Variants in OSR1 observed in about 807,000 individuals in gnomAD.
OSR1 encodes the protein odd-skipped related transcription factor 1.
In OSR1, 3 loss-of-function variants were observed where a neutral mutation model predicts 15.7. The observed-to-expected ratio is 0.19, with a 90% CI of 0.09 to 0.50. The LOEUF is 0.50. Among genes scored for constraint, OSR1 ranks in the 20% least tolerant of loss-of-function variants. OSR1 has a pLI of 0.97. For missense variants in OSR1, 271 were observed against 351.1 expected (o/e 0.77, Z 1.82); for synonymous variants, 166 against 152.7 (o/e 1.09, Z -0.64).
downstream of OSR1, among the ~76,000 whole-genome samples, chr2:19,349,328 A>G (rs887137360): frequency 3.9e-5 from 6 of 152,164 alleles, no homozygotes; most frequent in African/African-American, 1.4e-4. Context: ...TGCACAGTCT[A>G]TGAATCACTA....
At chr2:19,350,218 TC>T (rs941203533), downstream of OSR1, among the ~76,000 whole-genome samples, 27 of 152,252 alleles carry the variant, frequency 1.8e-4, no homozygotes, top group Non-Finnish European at 2.4e-4. Flanking sequence ...CTTGGTGGTT[TC>T]GCGAGGTTGC....
At chr2:19,345,592 T>G in the OSR1 span, among the ~76,000 whole-genome samples, 1 of 152,218 alleles carries the variant, frequency 6.6e-6, no homozygotes, top group Admixed American at 6.5e-5. Context: ...ATTAAAAATA[T>G]GGATCTTATG....
At chr2:19,350,351 G>T (rs1472848003), downstream of OSR1, among the ~76,000 whole-genome samples, 1 of 152,184 alleles carries the variant, frequency 6.6e-6, no homozygotes, top group Non-Finnish European at 1.5e-5. Flanking sequence ...AGCCTCCAGT[G>T]CCCAGTTGGG....
intron 1 of OSR1, chr2:19,354,173 G>T (rs1664902123): frequency 4.7e-6 from 1 of 210,614 alleles, no homozygotes; most frequent in Admixed American, 5.1e-5. Context: ...TGTAGAAATT[G>T]ACATCCAGGT....
intron 2 of OSR1, among the ~76,000 whole-genome samples, chr2:19,352,718 G>C (rs1008631250): frequency 6.6e-6 from 1 of 152,242 alleles, no homozygotes; most frequent in African/African-American, 2.4e-5. Flanking sequence ...GCTGGGGTCG[G>C]ACAATTTGCT....
rs1664876045 is a variant in OSR1 at position 19,353,317 on chromosome 2, T to C, written c.489A>G (p.Thr163=). Residue 163 remains threonine, a synonymous_variant, in exon 2 of 3, where the codon ACA becomes ACG. Coordinates refer to ENST00000272223, the MANE Select transcript of OSR1 (RefSeq NM_145260.3). ...VTKLSPEKKP[T]RGRLPSKTKK... ...TGGTCTTGGAAGGCAGACGTCCCCT[T>C]GTGGGCTTCTTTTCTGGAGACAGCT... 3 of 1,614,222 alleles carry C rather than the reference T, an allele frequency of 1.9e-6. No individual in the cohort carries two copies. The East Asian group carries it at 6.7e-5, about 36-fold the overall frequency.
chr2:19,350,815 T>C (rs998402504), downstream of OSR1, among the ~76,000 whole-genome samples: 7 of 152,184 alleles, frequency 4.6e-5, no homozygotes, highest in East Asian at 1.9e-4. Flanking sequence ...GCCCCCACCA[T>C]TCCTGACAAG....
chr2:19,346,784 G>C (rs1194355411), downstream of OSR1: 1 of 152,212 alleles, frequency 6.6e-6, no homozygotes, highest in African/African-American at 2.4e-5. Context: ...TCAATCATAA[G>C]AAAACACAAA....
At chr2:19,345,930 T>G in the OSR1 span, among the ~76,000 whole-genome samples, 2 of 152,220 alleles carry the variant, frequency 1.3e-5, no homozygotes, top group African/African-American at 4.8e-5. Flanking sequence ...TGGAAGTTCA[T>G]TTTCCCCCTC....
intron 2 of OSR1, 50 bp downstream of exon 2, chr2:19,353,091 G>C: frequency 1.1e-5 from 18 of 1,588,782 alleles, no homozygotes; most frequent in Non-Finnish European, 1.5e-5. Context: ...GAGAAAGATG[G>C]TGAGGCCAGA....
At chr2:19,348,367 C>T (rs527395625), downstream of OSR1, 29 of 154,564 alleles carry the variant, frequency 1.9e-4, no homozygotes, top group East Asian at 2.9e-3. Flanking sequence ...AGGCGGGGCC[C>T]ATCTGTGACG....
downstream of OSR1, among the ~76,000 whole-genome samples, chr2:19,348,200 G>T (rs1664772384): frequency 1.3e-5 from 2 of 152,128 alleles, no homozygotes; most frequent in Admixed American, 1.3e-4. Context: ...GATTCAAGAA[G>T]AGGACGCTGC....
In OSR1 at chr2:19,353,326, C is replaced by CT. The variant is rs781307892; in HGVS notation, c.479dup (p.Lys161GlufsTer34). ...AAGGCAGACGTCCCCTTGTGGGCTT[C>CT]TTTTCTGGAGACAGCTTGGTCACGT... On this transcript the variant is annotated frameshift_variant, in exon 2 of 3. Transcript: ENST00000272223. LOFTEE classifies it high-confidence loss of function. 1 of 1,614,138 alleles carries CT rather than the reference C, an allele frequency of 6.2e-7. No individual in the cohort carries two copies. Among genetic ancestry groups the CT allele is most frequent in the Non-Finnish European group, 8.5e-7 (1 of 1,180,060 alleles).
At chr2:19,354,117 A>G (rs1441462971) in intron 1 of OSR1, 2 of 330,328 alleles carry the variant, frequency 6.1e-6, no homozygotes, top group East Asian at 5.0e-5. Flanking sequence ...GGCCTACTGT[A>G]TGCAAGACAC....
In OSR1 at chr2:19,357,152, C is replaced by T. The variant is rs781717577; in HGVS notation, c.-33+1189G>A. Among the ~76,000 whole-genome samples, 12 of 152,158 alleles carry T rather than the reference C, an allele frequency of 7.9e-5. No homozygotes were observed. On this transcript the variant is annotated intron_variant, in intron 1 of 2. Coordinates refer to ENST00000272223, the MANE Select transcript of OSR1 (RefSeq NM_145260.3). The surrounding 1 kb of genome is among the most constrained non-coding windows in gnomAD (Gnocchi z 5.0). ...TGCACTTAAATGTCCGCTGCGTCCT[C>T]GGTGATCCATTCCCCAATCTTAATA...
At chr2:19,353,946 G>C (rs372805387) in intron 1 of OSR1, 109 bp from the exon 2 acceptor site, 2 of 918,684 alleles carry the variant, frequency 2.2e-6, no homozygotes, top group Non-Finnish European at 3.2e-6. Context: ...CACACCCAGC[G>C]CAGGAGCTAA....
rs1665004545 is a variant in OSR1, at chr2:19,358,536, C to T, written c.-228G>A. 1 of 151,920 alleles carries T rather than the reference C, an allele frequency of 6.6e-6. No individual in the cohort carries two copies. The allele number at this position is 151,920 out of a possible 1,614,324, so 9.4% of individuals were successfully genotyped here. A position where few individuals can be genotyped will look rare whatever the true frequency, so the allele number is the denominator to read the frequency against. ...AGCCCCGGATCCTGCACGCCGGGGA[C>T]GGTGAGCCTCGCTCGCGGCTCCCTC... On this transcript the variant is annotated 5_prime_UTR_variant, in exon 1 of 3. Coordinates refer to ENST00000272223, the MANE Select transcript of OSR1 (RefSeq NM_145260.3).
Position 19,353,834 on chromosome 2 carries a change from G to A in OSR1, c.-29C>T, listed in dbSNP as rs368681707. 2.0e-5 allele frequency: 32 copies of A among 1,586,286 alleles called. No homozygotes were observed. The highest frequency in any genetic ancestry group is 2.5e-5 in the Non-Finnish European group (29 of 1,164,240). On this transcript the variant is annotated 5_prime_UTR_variant, in exon 2 of 3. Transcript: ENST00000272223. The stretch of plus-strand genomic sequence containing the variant: ...GGTAGTTGCAGTGGCTTCTCAATCC[G>A]GATCTGCAAAGAAAAGAAGAAGGCA...
At chr2:19,353,873 G>C in intron 1 of OSR1, 36 bp from the exon 2 acceptor site, 1 of 1,487,320 alleles carries the variant, frequency 6.7e-7, no homozygotes, top group Non-Finnish European at 9.0e-7. Flanking sequence ...GCGTGGAGAG[G>C]AATAAAGAAG....
Sources: allele counts gnomAD v4.1 joint callset (sites outside exome capture counted in the v4.1 genomes callset), GRCh38; gene constraint gnomAD v4.1.1; non-coding constraint Gnocchi (gnomAD v3.1); transcripts MANE v1.5; gene names NCBI Gene and HGNC (gene_info 2026-07-23, HGNC 2026-07-21).